Variants in NFKB1 observed in about 807,000 individuals in gnomAD.
The protein encoded by NFKB1 is nuclear factor kappa B subunit 1.
In NFKB1, 9 loss-of-function variants were observed where a neutral mutation model predicts 105.1. That is an observed-to-expected ratio of 0.09 (90% CI 0.05 to 0.15). The LOEUF (loss-of-function observed/expected upper bound fraction) is 0.15, where lower values mean the gene tolerates loss of function less well. Ranked by LOEUF, NFKB1 falls within the 10% of genes least tolerant of loss-of-function variation. The pLI, the probability that NFKB1 is intolerant of heterozygous loss-of-function variation, is 1.00. For missense variants in NFKB1, 830 were observed against 1,203.7 expected (o/e 0.69, Z 4.59); for synonymous variants, 440 against 442.2 (o/e 1.00, Z 0.06).
intron 5 of NFKB1, among the ~76,000 whole-genome samples, chr4:102,560,332 A>C (rs531410246): frequency 6.6e-6 from 1 of 152,348 alleles, no homozygotes; most frequent in South Asian, 2.1e-4. Flanking sequence ...CCGTGGGTCA[A>C]AGTATGAGGG....
At chr4:102,526,885 A>C (rs905966597) in intron 2 of NFKB1, among the ~76,000 whole-genome samples, 1 of 152,066 alleles carries the variant, frequency 6.6e-6, no homozygotes, top group Non-Finnish European at 1.5e-5. Flanking sequence ...ATTGGTTCTT[A>C]AAACCGACAT....
intron 7 of NFKB1, chr4:102,577,848 C>A (rs1724988116): frequency 2.0e-6 from 2 of 985,274 alleles, no homozygotes; most frequent in Admixed American, 6.1e-5. Flanking sequence ...TTATAGTAGT[C>A]TTCTCCCTGG....
chr4:102,607,288 A>G lies in NFKB1; in HGVS notation c.2093A>G (p.Asn698Ser), dbSNP rs1285582042. 14 of 1,613,442 alleles carry G rather than the reference A, an allele frequency of 8.7e-6. No homozygotes were observed. Among genetic ancestry groups the G allele is most frequent in the Non-Finnish European group, 1.1e-5 (13 of 1,179,342 alleles). ...CTGCACCTGGCTGTGGAGCACGACA[A>G]CATCTCATTGGCAGGCTGCCTGCTC... ...TALHLAVEHD[N>S]ISLAGCLLLE... The change falls in exon 18 of 24, where the codon AAC (asparagine) becomes AGC (serine). Residue 698 changes from asparagine (N) to serine (S), a missense_variant. Asn to Ser is a conservative substitution (Grantham distance 46, BLOSUM62 1). Coordinates refer to ENST00000226574, the MANE Select transcript of NFKB1 (RefSeq NM_003998.4).
chr4:102,510,159 T>A (rs560947093), intron 1 of NFKB1, among the ~76,000 whole-genome samples: 15 of 152,346 alleles, frequency 9.8e-5, no homozygotes, highest in Non-Finnish European at 1.9e-4. Flanking sequence ...TTTCTCTCAC[T>A]TGCCTTTCTG....
intron 9 of NFKB1, among the ~76,000 whole-genome samples, chr4:102,581,854 G>C (rs911831402): frequency 1.3e-5 from 2 of 152,122 alleles, no homozygotes; most frequent in African/African-American, 4.8e-5. Flanking sequence ...CTTGTACTTG[G>C]CTTAAAGAAT....
At chr4:102,562,939 C>T (rs1038998602) in intron 5 of NFKB1, among the ~76,000 whole-genome samples, 1 of 152,204 alleles carries the variant, frequency 6.6e-6, no homozygotes, top group Non-Finnish European at 1.5e-5. Flanking sequence ...CAGAAAAGAA[C>T]TACTTCATGT....
Position 102,606,490 on chromosome 4 carries a change from T to C in NFKB1, c.1753-6T>C. Reference sequence around the variant, plus strand: ...CCAGTGAATCTCCTGCCCTTTCACTTTCCAGACGCCCTTGCACTTGGCAGT... The same window carrying C: ...CCAGTGAATCTCCTGCCCTTTCACTCTCCAGACGCCCTTGCACTTGGCAGT... On this transcript the variant is annotated splice_polypyrimidine_tract_variant and splice_region_variant and intron_variant, in intron 16 of 23. Transcript: ENST00000226574. 6.2e-7 allele frequency: 1 copy of C among 1,613,732 alleles called. No individual in the cohort carries two copies. The highest frequency in any genetic ancestry group is 8.5e-7 in the Non-Finnish European group (1 of 1,179,904).
chr4:102,582,481 T>C (rs1008015455), intron 9 of NFKB1, among the ~76,000 whole-genome samples: 1 of 152,236 alleles, frequency 6.6e-6, no homozygotes. Context: ...GTAAAACTTA[T>C]ATAAGTTAAT....
chr4:102,611,520 T>C (rs1217011341), intron 20 of NFKB1, among the ~76,000 whole-genome samples: 1 of 152,228 alleles, frequency 6.6e-6, no homozygotes, highest in Admixed American at 6.5e-5. Flanking sequence ...GAATAATTTT[T>C]CTTTTAGCCT....
At chr4:102,588,611 G>A (rs1725915799) in intron 11 of NFKB1, among the ~76,000 whole-genome samples, 1 of 152,096 alleles carries the variant, frequency 6.6e-6, no homozygotes, top group Admixed American at 6.6e-5. Flanking sequence ...TACTTTTAAG[G>A]CACATGCACA....
At chr4:102,535,897 G>GT (rs112320048) in intron 4 of NFKB1, among the ~76,000 whole-genome samples, 27,436 of 142,018 alleles carry the variant, frequency 0.19, 2,957 homozygotes, top group Middle Eastern at 0.32. Context: ...GGTTTTTTTT[G>GT]TTTTTTTTTT....
intron 11 of NFKB1, among the ~76,000 whole-genome samples, chr4:102,588,406 C>G (rs1725888226): frequency 6.7e-6 from 1 of 148,390 alleles, no homozygotes; most frequent in African/African-American, 2.5e-5. Flanking sequence ...GGATGATTGG[C>G]AGAGGAGGAA....
chr4:102,534,013 A>G, intron 4 of NFKB1, 128 bp downstream of exon 4: 1 of 759,488 alleles, frequency 1.3e-6, no homozygotes, highest in Non-Finnish European at 2.2e-6. Context: ...CAACCTGACA[A>G]ATTATGTAAC....
chr4:102,522,717 T>C (rs554352628), intron 1 of NFKB1, among the ~76,000 whole-genome samples: 1 of 152,268 alleles, frequency 6.6e-6, no homozygotes, highest in Non-Finnish European at 1.5e-5. Flanking sequence ...TTGAGGACCA[T>C]AGGCTAATAT....
chr4:102,607,760 G>A lies in NFKB1; in HGVS notation c.2227+9G>A, dbSNP rs1306611773. On this transcript the variant is annotated intron_variant, in intron 19 of 23. Transcript: ENST00000226574. ...TCTTCTCAAAGCAGCAGGTAAGATG[G>A]TGATCTGGCGGTCATTAATGAAAAA... is the stretch of plus-strand genomic sequence containing the variant. 1 of 1,612,196 alleles carries A rather than the reference G, an allele frequency of 6.2e-7. No individual in the cohort carries two copies. Among genetic ancestry groups the A allele is most frequent in the African/African-American group, 1.3e-5 (1 of 74,912 alleles).
intron 5 of NFKB1, among the ~76,000 whole-genome samples, chr4:102,554,586 C>T (rs1722844721): frequency 6.6e-6 from 1 of 152,138 alleles, no homozygotes; most frequent in African/African-American, 2.4e-5. Context: ...TTTTTGCACT[C>T]CTGGGATATT....
chr4:102,597,571 C>G lies in NFKB1; in HGVS notation c.1547C>G (p.Ala516Gly). ...AMQLAKRHAN[A>G]LFDYAVTGDV... ...CAGCTTGCAAAGAGGCATGCCAATGCCCTTTTCGACTACGCGGTGACAGGA... is the reference window on the plus strand; with the variant it reads ...CAGCTTGCAAAGAGGCATGCCAATGGCCTTTTCGACTACGCGGTGACAGGA... The change falls in exon 15 of 24, where the codon GCC becomes GGC. Residue 516 changes from alanine to glycine, a missense_variant. This residue lies in a region of NFKB1 where 418 missense variants were observed against 575.3 expected (regional missense o/e 0.73). Coordinates refer to ENST00000226574, the MANE Select transcript of NFKB1 (RefSeq NM_003998.4). The G allele has an allele frequency of 6.2e-7, 1 of 1,613,712 alleles. No homozygotes were observed. Among genetic ancestry groups the G allele is most frequent in the South Asian group, 1.1e-5 (1 of 90,940 alleles).
At chr4:102,543,423 A>G (rs1228941324) in intron 5 of NFKB1, among the ~76,000 whole-genome samples, 1 of 152,182 alleles carries the variant, frequency 6.6e-6, no homozygotes, top group African/African-American at 2.4e-5. Context: ...TTAGTTATAA[A>G]TATCAAATGC....
intron 11 of NFKB1, among the ~76,000 whole-genome samples, chr4:102,585,859 G>A (rs1725669014): frequency 6.6e-6 from 1 of 152,128 alleles, no homozygotes; most frequent in Admixed American, 6.6e-5. Flanking sequence ...TACTTGAGGA[G>A]CTTAAAGAGA....
Sources: gnomAD v4.1 joint callset for allele counts (sites outside exome capture counted in the v4.1 genomes callset) on GRCh38, gnomAD v4.1.1 for gene constraint, gnomAD v4.1.1 regional missense constraint, MANE v1.5 for transcripts, NCBI Gene and HGNC (gene_info 2026-07-23, HGNC 2026-07-21) for gene names.